ZNF148: variants seen among roughly 807,000 people sequenced by gnomAD.
ZNF148 encodes Beta-Enolase Repressor Factor-1.
ZNF148 carries 7 observed loss-of-function variants against 67.7 expected under a neutral mutation model. That is an observed-to-expected ratio of 0.10 (90% CI 0.06 to 0.19). The LOEUF (loss-of-function observed/expected upper bound fraction) is 0.19, where lower values mean the gene tolerates loss of function less well. Ranked by LOEUF, ZNF148 falls within the 10% of genes least tolerant of loss-of-function variation. ZNF148 has a pLI of 1.00. For synonymous variants in ZNF148, 333 were observed against 330.7 expected, an observed-to-expected ratio of 1.01 and a Z score of -0.08; for missense variants, 583 against 947.1, an observed-to-expected ratio of 0.62 and a Z score of 5.05.
chr3:125,360,770 G>T (rs1942510151), intron 1 of ZNF148, among the ~76,000 whole-genome samples: 1 of 150,062 alleles, frequency 6.7e-6, no homozygotes, highest in Non-Finnish European at 1.5e-5. Context: ...CTTGAGACCA[G>T]AAGTTTAAGA....
chr3:125,301,225 G>A (rs1939570591), intron 4 of ZNF148, among the ~76,000 whole-genome samples: 1 of 152,196 alleles, frequency 6.6e-6, no homozygotes. Flanking sequence ...TCAAAAGTTG[G>A]CCTAGGCCAG....
rs149114879 is a variant in ZNF148 at position 125,350,277 on chromosome 3, C to A, written c.-233-19039G>T. ...CTGGGTTCAAGTGATTCTCCCAACT[C>A]AGCCTCCCAAGTAGCTGAGACTACA... On this transcript the variant is annotated intron_variant, in intron 1 of 8. Transcript: ENST00000360647. 3.3e-3 allele frequency among the ~76,000 whole-genome samples: 509 copies of A among 152,332 alleles called. 6 individuals are homozygous for A. The highest frequency in any genetic ancestry group is 0.012 in the African/African-American group (489 of 41,576).
intron 4 of ZNF148, among the ~76,000 whole-genome samples, chr3:125,303,612 T>C (rs1939715692): frequency 1.3e-5 from 2 of 152,106 alleles, no homozygotes; most frequent in South Asian, 4.1e-4. Context: ...TGTCACTGTC[T>C]CCCATCACTC....
intron 5 of ZNF148, among the ~76,000 whole-genome samples, chr3:125,285,844 T>C (rs1390358404): frequency 6.6e-6 from 1 of 152,206 alleles, no homozygotes; most frequent in Non-Finnish European, 1.5e-5. Flanking sequence ...TACAGAGGTA[T>C]ATAAATACTT....
chr3:125,279,592 G>A (rs538321396), intron 5 of ZNF148, among the ~76,000 whole-genome samples: 1 of 151,858 alleles, frequency 6.6e-6, no homozygotes, highest in Non-Finnish European at 1.5e-5. Flanking sequence ...CATATATGCA[G>A]GAAAAAAGCC....
In ZNF148 at chr3:125,249,330, A is replaced by C. The variant is rs77634427; in HGVS notation, c.668-15001T>G. Among the ~76,000 whole-genome samples the C allele has an allele frequency of 1.1e-3, 160 of 152,298 alleles. 1 individual carries two copies. Among genetic ancestry groups the C allele is most frequent in the African/African-American group, 3.3e-3 (139 of 41,574 alleles). ...TCATACAACTCAATAGCAAAAACCT[A>C]CAAATAGCCTACTTTTAAAATGGGC... is the stretch of plus-strand genomic sequence containing the variant. On this transcript the variant is annotated intron_variant, in intron 7 of 8. Coordinates refer to ENST00000360647, the MANE Select transcript of ZNF148 (RefSeq NM_021964.3).
intron 1 of ZNF148, among the ~76,000 whole-genome samples, chr3:125,371,528 G>A (rs955274604): frequency 5.3e-5 from 8 of 151,116 alleles, no homozygotes; most frequent in Non-Finnish European, 7.4e-5. Flanking sequence ...GTGTGGTAGC[G>A]GGCACCTGTA....
intron 7 of ZNF148, among the ~76,000 whole-genome samples, chr3:125,271,407 T>C (rs528148511): frequency 6.6e-6 from 1 of 152,332 alleles, no homozygotes; most frequent in East Asian, 1.9e-4. Context: ...GCTACATACA[T>C]ACAGGCTACA....
intron 1 of ZNF148, among the ~76,000 whole-genome samples, chr3:125,361,832 C>A (rs375306078): frequency 1.0e-4 from 15 of 147,026 alleles, no homozygotes; most frequent in East Asian, 2.0e-4. Flanking sequence ...GACCCTGTCT[C>A]AAAAAAAAAA....
intron 7 of ZNF148, among the ~76,000 whole-genome samples, chr3:125,268,237 C>A (rs1191692924): frequency 4.9e-4 from 67 of 136,582 alleles, no homozygotes; most frequent in Middle Eastern, 3.7e-3. Flanking sequence ...TATATAGAAC[C>A]AAAAAAAAAA....
At chr3:125,295,052 T>C (rs1328340495) in intron 4 of ZNF148, among the ~76,000 whole-genome samples, 1 of 152,218 alleles carries the variant, frequency 6.6e-6, no homozygotes, top group Non-Finnish European at 1.5e-5. Flanking sequence ...TATAGAAACA[T>C]ACTGTATTTT....
intron 1 of ZNF148, among the ~76,000 whole-genome samples, chr3:125,363,197 G>T (rs1942597084): frequency 6.6e-6 from 1 of 152,114 alleles, no homozygotes; most frequent in Admixed American, 6.5e-5. Flanking sequence ...ACTAGAATTG[G>T]AATGCATAAT....
intron 7 of ZNF148, among the ~76,000 whole-genome samples, chr3:125,249,081 G>T (rs1936723910): frequency 6.6e-6 from 1 of 152,130 alleles, no homozygotes; most frequent in Non-Finnish European, 1.5e-5. Context: ...AAAAATCCTT[G>T]AAGAAAGCAT....
At position 125,314,438 on chromosome 3, in the gene ZNF148, C is replaced by T. The variant is rs1037941147; in HGVS notation, c.-16-782G>A. On this transcript the variant is annotated intron_variant, in intron 3 of 8. Coordinates refer to ENST00000360647, the MANE Select transcript of ZNF148 (RefSeq NM_021964.3). ...AATGTTAAGTATATTTCAGTTTAGT[C>T]ACTTCTTTCCCAAATTAATCACCTA... is the stretch of plus-strand genomic sequence containing the variant. Among the ~76,000 whole-genome samples the T allele has an allele frequency of 6.3e-4, 96 of 152,142 alleles. 1 individual carries two copies. The highest frequency in any genetic ancestry group is 6.5e-4 in the Admixed American group (10 of 15,274).
chr3:125,267,762 C>G (rs190114509), intron 7 of ZNF148, among the ~76,000 whole-genome samples: 1 of 152,116 alleles, frequency 6.6e-6, no homozygotes, highest in African/African-American at 2.4e-5. Context: ...AAAAGACATC[C>G]AAATAGGAAA....
intron 7 of ZNF148, among the ~76,000 whole-genome samples, chr3:125,269,427 G>A (rs1328504362): frequency 6.9e-6 from 1 of 145,012 alleles, no homozygotes; most frequent in Admixed American, 7.0e-5. Flanking sequence ...ACATCCCTAA[G>A]AAGGGCTATT....
intron 5 of ZNF148, 40 bp downstream of exon 5, chr3:125,288,063 A>G (rs1279978711): frequency 1.2e-6 from 2 of 1,612,550 alleles, no homozygotes; most frequent in Non-Finnish European, 1.7e-6. Context: ...AACAGTTGGA[A>G]TTAAGAGGTT....
At chr3:125,282,615 A>AT (rs1406875044) in intron 5 of ZNF148, among the ~76,000 whole-genome samples, 8 of 152,172 alleles carry the variant, frequency 5.3e-5, no homozygotes, top group African/African-American at 1.9e-4. Flanking sequence ...ATAGAAAAAA[A>AT]TTGAGTATCA....
At chr3:125,346,467 T>G (rs1390464791) in intron 1 of ZNF148, among the ~76,000 whole-genome samples, 7 of 152,216 alleles carry the variant, frequency 4.6e-5, no homozygotes, top group African/African-American at 1.7e-4. Flanking sequence ...TCTAGCAAGG[T>G]AAATGATATG....
Sources: gnomAD v4.1 joint callset for allele counts (sites outside exome capture counted in the v4.1 genomes callset) on GRCh38, gnomAD v4.1.1 for gene constraint, MANE v1.5 for transcripts, NCBI Gene and HGNC (gene_info 2026-07-23, HGNC 2026-07-21) for gene names.